The following ZSWIM4 variants were observed in gnomAD, a reference collection of about 807,000 sequenced individuals.
ZSWIM4 encodes the protein zinc finger SWIM domain-containing protein 4.
ZSWIM4 carries 62 observed loss-of-function variants against 102.5 expected under a neutral mutation model. That is an observed-to-expected ratio of 0.60 (90% CI 0.49 to 0.75). The LOEUF is 0.75. Among genes scored for constraint, ZSWIM4 ranks in the 30% least tolerant of loss-of-function variants. The pLI is 0.00. For synonymous variants in ZSWIM4, 652 were observed against 674.5 expected (o/e 0.97, Z 0.52); for missense variants, 1,280 against 1,529.6 (o/e 0.84, Z 2.72).
At chr19:13,818,933 G>A (rs558269079) in intron 9 of ZSWIM4, among the ~76,000 whole-genome samples, 12 of 147,072 alleles carry the variant, frequency 8.2e-5, no homozygotes, top group African/African-American at 2.0e-4. Context: ...GCGCAATCTC[G>A]GCTCACTGCA....
chr19:13,824,660 A>G (rs1471047052), intron 11 of ZSWIM4, among the ~76,000 whole-genome samples: 1 of 151,892 alleles, frequency 6.6e-6, no homozygotes, highest in Non-Finnish European at 1.5e-5. Context: ...TGAACCCGGG[A>G]GGCAAAGGTT....
chr19:13,809,275 G>A lies in ZSWIM4; in HGVS notation c.1012+55G>A. On this transcript the variant is annotated intron_variant, in intron 5 of 13. Coordinates refer to ENST00000590508, the MANE Select transcript of ZSWIM4 (RefSeq NM_001367834.3). The surrounding 1 kb of genome is among the most constrained non-coding windows in gnomAD (Gnocchi z 4.2). ...CACCGGGACTTCGGCTCCCATGGGG[G>A]CTGGCCCACTCCAAGATTAGGGTCT... 6.5e-7 allele frequency: 1 copy of A among 1,534,882 alleles called. No individual in the cohort carries two copies. The highest frequency in any genetic ancestry group is 8.7e-7 in the Non-Finnish European group (1 of 1,144,736).
chr19:13,830,811 C>T lies in ZSWIM4; in HGVS notation c.3082C>T (p.Pro1028Ser), dbSNP rs767809826. 6 of 1,605,164 alleles carry T rather than the reference C, an allele frequency of 3.7e-6. No homozygotes were observed. In the South Asian group the frequency reaches 6.6e-5, roughly 18 times the overall value. ...AAKPLGADRA[P>S]LCQLLDAAVT... The stretch of plus-strand genomic sequence containing the variant: ...CAAGCCACTGGGTGCCGACCGGGCG[C>T]CGCTCTGCCAGCTCCTGGACGCGGC... The change falls in exon 14 of 14, where the codon CCG becomes TCG. Residue 1028 changes from proline (P) to serine (S), a missense_variant. Coordinates refer to ENST00000590508, the MANE Select transcript of ZSWIM4 (RefSeq NM_001367834.3).
At chr19:13,812,369 C>A (rs1416309805) in intron 5 of ZSWIM4, among the ~76,000 whole-genome samples, 2 of 151,342 alleles carry the variant, frequency 1.3e-5, no homozygotes, top group Non-Finnish European at 2.9e-5. Context: ...TCTCGGCTCA[C>A]TGCAACCTCT....
chr19:13,798,915 A>G (rs1019472361), intron 1 of ZSWIM4, among the ~76,000 whole-genome samples: 1 of 152,108 alleles, frequency 6.6e-6, no homozygotes, highest in African/African-American at 2.4e-5. Context: ...CAGCCTCCCA[A>G]GTAGCTGAGA....
At chr19:13,815,929 C>T (rs1329916695) in intron 7 of ZSWIM4, among the ~76,000 whole-genome samples, 37 of 142,370 alleles carry the variant, frequency 2.6e-4, no homozygotes, top group African/African-American at 9.2e-4. Flanking sequence ...GGTGACAGAG[C>T]GAGACTCCGT....
intron 2 of ZSWIM4, 109 bp downstream of exon 2, chr19:13,800,030 C>A: frequency 3.8e-6 from 4 of 1,060,968 alleles, no homozygotes; most frequent in Non-Finnish European, 4.0e-6. Flanking sequence ...AGGTTACAGA[C>A]CTCAGGCTTC....
At position 13,817,207 on chromosome 19, in the gene ZSWIM4, C is replaced by T; in HGVS notation, c.1532-9C>T. On this transcript the variant is annotated splice_polypyrimidine_tract_variant and intron_variant, in intron 7 of 13. Coordinates refer to ENST00000590508, the MANE Select transcript of ZSWIM4 (RefSeq NM_001367834.3). ...GTGTGGGCATTGAGCCCCCTCTTTCCACCTGCAGAGCTGCTCCAGAAGGGC... is the reference window on the plus strand; with the variant it reads ...GTGTGGGCATTGAGCCCCCTCTTTCTACCTGCAGAGCTGCTCCAGAAGGGC... 1 of 1,606,592 alleles carries T rather than the reference C, an allele frequency of 6.2e-7. No homozygotes were observed. Among genetic ancestry groups the T allele is most frequent in the Non-Finnish European group, 8.5e-7 (1 of 1,174,688 alleles).
chr19:13,830,672 C>T lies in ZSWIM4; in HGVS notation c.2943C>T (p.Ala981=). The change falls in exon 14 of 14, where the codon GCC becomes GCT. Residue 981 remains alanine, a synonymous_variant. Coordinates refer to ENST00000590508, the MANE Select transcript of ZSWIM4 (RefSeq NM_001367834.3). ...CCCTGGGCCGGCACGAGCTCTCTGC[C>T]ATCGTCCCCCTCATCATTCGCAGCA... The part of the protein sequence containing the change: ...SHSLGRHELS[A]IVPLIIRSIH... 1 of 1,604,456 alleles carries T rather than the reference C, an allele frequency of 6.2e-7. No homozygotes were observed.
chr19:13,814,093 G>A (rs1413165335), intron 6 of ZSWIM4, among the ~76,000 whole-genome samples: 2 of 140,092 alleles, frequency 1.4e-5, no homozygotes, highest in Non-Finnish European at 3.0e-5. Context: ...GTCTCACTCT[G>A]ATGCCCAGGC....
chr19:13,817,454 C>G (rs1975324319), intron 8 of ZSWIM4, 101 bp downstream of exon 8: 1 of 1,472,290 alleles, frequency 6.8e-7, no homozygotes, highest in Non-Finnish European at 9.2e-7. Flanking sequence ...AGACTCTGAC[C>G]CTTGGCCACG....
Position 13,830,286 on chromosome 19 carries a change from G to A in ZSWIM4, c.2557G>A (p.Ala853Thr), listed in dbSNP as rs1478853177. 3.1e-6 allele frequency: 5 copies of A among 1,613,820 alleles called. No homozygotes were observed. Among genetic ancestry groups the A allele is most frequent in the East Asian group, 4.5e-5 (2 of 44,886 alleles). The change falls in exon 14 of 14, where the codon GCC becomes ACC. Residue 853 changes from alanine to threonine, a missense_variant. By Grantham distance (58) the Ala-to-Thr change is moderately conservative. Coordinates refer to ENST00000590508, the MANE Select transcript of ZSWIM4 (RefSeq NM_001367834.3). Reference protein sequence around the residue: ...TIVAVTGTTHATLLRLQLDTS... With the variant: ...TIVAVTGTTHTTLLRLQLDTS... ...CGTGGCAGTGACGGGCACCACACAC[G>A]CCACTCTGCTGCGACTGCAGCTGGA... is the stretch of plus-strand genomic sequence containing the variant.
intron 12 of ZSWIM4, among the ~76,000 whole-genome samples, chr19:13,827,970 G>T (rs1281303272): frequency 2.0e-5 from 3 of 152,186 alleles, no homozygotes; most frequent in Non-Finnish European, 2.9e-5. Flanking sequence ...GATCTATGAG[G>T]TGGGATCTGG....
chr19:13,823,600 C>T, intron 11 of ZSWIM4, 100 bp downstream of exon 11: 2 of 1,385,622 alleles, frequency 1.4e-6, no homozygotes, highest in Non-Finnish European at 2.0e-6. Flanking sequence ...CTTTCACAAA[C>T]TTCCCCCTGC....
chr19:13,823,584 C>G (rs1283392435), intron 11 of ZSWIM4, 84 bp downstream of exon 11: 13 of 1,468,168 alleles, frequency 8.9e-6, no homozygotes, highest in Non-Finnish European at 1.2e-5. Flanking sequence ...CCTGCCTCCT[C>G]TTATCCTTTC....
At chr19:13,801,729 T>C (rs1377773771) in intron 2 of ZSWIM4, among the ~76,000 whole-genome samples, 1 of 150,590 alleles carries the variant, frequency 6.6e-6, no homozygotes, top group Non-Finnish European at 1.5e-5. Flanking sequence ...TGGAGTGCAG[T>C]GGCACGATCT....
chr19:13,831,709 C>T lies in ZSWIM4; in HGVS notation c.*659C>T, dbSNP rs986621900. On this transcript the variant is annotated 3_prime_UTR_variant, in exon 14 of 14. Coordinates refer to ENST00000590508, the MANE Select transcript of ZSWIM4 (RefSeq NM_001367834.3). Reference sequence around the variant, plus strand: ...TCTCACCTGCTAGTCACTGGACGTACAACTCAGGAACTGAGCGAGGCTCAC... The same window carrying T: ...TCTCACCTGCTAGTCACTGGACGTATAACTCAGGAACTGAGCGAGGCTCAC... 2 of 152,614 alleles carry T rather than the reference C, an allele frequency of 1.3e-5. No homozygotes were observed. Among genetic ancestry groups the T allele is most frequent in the African/African-American group, 2.4e-5 (1 of 41,408 alleles). The allele number at this position is 152,614 out of a possible 1,614,324, so 9.5% of individuals were successfully genotyped here. A position where few individuals can be genotyped will look rare whatever the true frequency, so the allele number is the denominator to read the frequency against.
chr19:13,818,868 C>T (rs1599606703), intron 9 of ZSWIM4, among the ~76,000 whole-genome samples: 1 of 131,234 alleles, frequency 7.6e-6, no homozygotes, highest in African/African-American at 2.9e-5. Context: ...CCTGCCTCCT[C>T]TTTTTTTTTT....
rs1199286488 is a variant in ZSWIM4, at chr19:13,830,736, T to C, written c.3007T>C (p.Trp1003Arg). Residue 1003 changes from tryptophan (W) to arginine (R), a missense_variant, in exon 14 of 14, where the codon TGG becomes CGG. Trp to Arg is a moderately radical substitution (Grantham distance 101). Coordinates refer to ENST00000590508, the MANE Select transcript of ZSWIM4 (RefSeq NM_001367834.3). ...AATGCTGTCCGATATTCTGCGCCGC[T>C]GGACTCTCTCGGCGCCCGGTCTGGG... ...APMLSDILRR[W>R]TLSAPGLGPL... 1.5e-5 allele frequency: 24 copies of C among 1,608,552 alleles called. No homozygotes were observed. Among genetic ancestry groups the C allele is most frequent in the African/African-American group, 2.7e-5 (2 of 74,840 alleles).
Sources: allele counts gnomAD v4.1 joint callset (sites outside exome capture counted in the v4.1 genomes callset), GRCh38; gene constraint gnomAD v4.1.1; non-coding constraint Gnocchi (gnomAD v3.1); transcripts MANE v1.5; gene names NCBI Gene and HGNC (gene_info 2026-07-23, HGNC 2026-07-21).